Variants in NRXN3 observed in about 807,000 individuals in gnomAD.
The protein encoded by NRXN3 is neurexin 3.
Under a neutral mutation model 137.6 loss-of-function variants are expected in NRXN3, and 32 were observed. The ratio of observed to expected loss-of-function variants is 0.23; its 90% CI spans 0.18 to 0.31. The LOEUF (loss-of-function observed/expected upper bound fraction) is 0.31, where lower values mean the gene tolerates loss of function less well. Ranked by LOEUF, NRXN3 falls within the 10% of genes least tolerant of loss-of-function variation. NRXN3 has a pLI of 1.00. For synonymous variants in NRXN3, 798 were observed against 784.5 expected (o/e 1.02, Z -0.29); for missense variants, 1,574 against 2,062.5 (o/e 0.76, Z 4.59).
chr14:79,358,787 T>A lies in NRXN3; in HGVS notation c.3263-108434T>A, dbSNP rs151188583. Among the ~76,000 whole-genome samples the A allele has an allele frequency of 6.6e-5, 10 of 152,214 alleles. No individual in the cohort carries two copies. In the East Asian group the frequency reaches 1.5e-3, roughly 24 times the overall value. The stretch of plus-strand genomic sequence containing the variant: ...CCCCCTATTCTCCTTGAGGAACTGT[T>A]TGACCGTCACATCCTTAGAAAGGCC... On this transcript the variant is annotated intron_variant, in intron 15 of 20. Coordinates refer to ENST00000335750, the MANE Select transcript of NRXN3 (RefSeq NM_001330195.2).
At chr14:79,261,308 G>A (rs1229734404) in intron 15 of NRXN3, among the ~76,000 whole-genome samples, 2 of 152,164 alleles carry the variant, frequency 1.3e-5, no homozygotes, top group East Asian at 3.9e-4. Context: ...AGTGAGCAAA[G>A]TTGAATGAGA....
At chr14:78,603,593 C>T (rs1011824917) in intron 4 of NRXN3, among the ~76,000 whole-genome samples, 3 of 152,152 alleles carry the variant, frequency 2.0e-5, no homozygotes, top group Non-Finnish European at 4.4e-5. Context: ...CTTGAAAGAC[C>T]TCTAAACAGT....
At chr14:78,756,592 T>G (rs1395919904) in intron 8 of NRXN3, among the ~76,000 whole-genome samples, 2 of 151,892 alleles carry the variant, frequency 1.3e-5, no homozygotes, top group East Asian at 3.9e-4. Context: ...AAAGTTTTGT[T>G]GTACTTGCTT....
chr14:79,494,057 G>A (rs1156939159), intron 16 of NRXN3, among the ~76,000 whole-genome samples: 1 of 152,146 alleles, frequency 6.6e-6, no homozygotes, highest in Admixed American at 6.6e-5. Flanking sequence ...TATAAAAAGT[G>A]TATTTTAATT....
intron 20 of NRXN3, among the ~76,000 whole-genome samples, chr14:79,817,920 C>T (rs1230865074): frequency 1.3e-5 from 2 of 151,950 alleles, no homozygotes; most frequent in Admixed American, 1.3e-4. Flanking sequence ...TTCAAATAAC[C>T]GTGGTTAAAA....
chr14:78,651,181 A>G lies in NRXN3; in HGVS notation c.1076A>G (p.Asp359Gly). The change falls in exon 6 of 21, where the codon GAT (aspartate) becomes GGT (glycine). Residue 359 changes from aspartate to glycine, a missense_variant. Around this residue, in one of 5 missense-constraint regions of NRXN3, gnomAD observed 400 missense variants for 527.3 expected, o/e 0.76. Coordinates refer to ENST00000335750, the MANE Select transcript of NRXN3 (RefSeq NM_001330195.2). ...CTCCACCAGGTGACAATCTCTGTGG[A>G]TGGCATTCTTACCACGACGGGCTAC... ...RNLRQVTISVDGILTTTGYTQ... is the reference protein window; with the variant it reads ...RNLRQVTISVGGILTTTGYTQ... 6.2e-7 allele frequency: 1 copy of G among 1,613,562 alleles called. No individual in the cohort carries two copies. Among genetic ancestry groups the G allele is most frequent in the Non-Finnish European group, 8.5e-7 (1 of 1,179,702 alleles).
intron 15 of NRXN3, among the ~76,000 whole-genome samples, chr14:79,177,871 G>A (rs1209868826): frequency 6.6e-6 from 1 of 152,214 alleles, no homozygotes; most frequent in Non-Finnish European, 1.5e-5. Context: ...AGATTAAAAT[G>A]AGTGTGAATA....
At chr14:78,555,536 T>G (rs898451647) in intron 4 of NRXN3, among the ~76,000 whole-genome samples, 7 of 152,246 alleles carry the variant, frequency 4.6e-5, no homozygotes, top group African/African-American at 1.7e-4. Context: ...GCCACAAAAC[T>G]GCATACACCA....
chr14:79,164,772 T>A (rs2153075678), intron 15 of NRXN3, among the ~76,000 whole-genome samples: 1 of 152,098 alleles, frequency 6.6e-6, no homozygotes, highest in Non-Finnish European at 1.5e-5. Context: ...GCATAGTAAT[T>A]GTGAGTTTTC....
At chr14:78,385,328 C>G in intron 4 of NRXN3, among the ~76,000 whole-genome samples, 1 of 119,392 alleles carries the variant, frequency 8.4e-6, no homozygotes, top group South Asian at 2.8e-4. Context: ...CACACACACA[C>G]ACACACGCAT....
chr14:78,604,731 G>A (rs2097233217), intron 4 of NRXN3, among the ~76,000 whole-genome samples: 1 of 152,156 alleles, frequency 6.6e-6, no homozygotes. Context: ...CTCATGTTCA[G>A]ACCTCCCTGT....
At chr14:79,719,368 A>ATGTGTATATATATGTG (rs1032789878) in intron 19 of NRXN3, among the ~76,000 whole-genome samples, 1 of 74,892 alleles carries the variant, frequency 1.3e-5, no homozygotes, top group Non-Finnish European at 2.9e-5. Flanking sequence ...TATTGTGTGT[A>ATGTGTATATATATGTG]TGTGTATATA....
At chr14:79,381,199 C>T (rs895972940) in intron 15 of NRXN3, among the ~76,000 whole-genome samples, 11 of 142,340 alleles carry the variant, frequency 7.7e-5, no homozygotes, top group South Asian at 2.4e-4. Context: ...TCTTTTAATG[C>T]GTTGAATGTT....
At chr14:79,544,945 C>G (rs1601893304) in intron 16 of NRXN3, among the ~76,000 whole-genome samples, 1 of 152,100 alleles carries the variant, frequency 6.6e-6, no homozygotes, top group Non-Finnish European at 1.5e-5. Flanking sequence ...GCTCAGATAA[C>G]CCACAATTGA....
At chr14:78,279,818 T>C (rs2074146059) in intron 3 of NRXN3, 1 of 152,238 alleles carries the variant, frequency 6.6e-6, no homozygotes, top group Admixed American at 6.5e-5. Flanking sequence ...ATTAGCAGCC[T>C]TCTTTCCAAA....
intron 10 of NRXN3, among the ~76,000 whole-genome samples, chr14:78,811,253 A>G (rs1425850905): frequency 6.6e-6 from 1 of 152,180 alleles, no homozygotes; most frequent in Non-Finnish European, 1.5e-5. Context: ...GTCCAATGCT[A>G]ATTGGTCAGT....
chr14:79,281,418 G>A (rs946030786), intron 15 of NRXN3, among the ~76,000 whole-genome samples: 3 of 152,140 alleles, frequency 2.0e-5, no homozygotes, highest in Non-Finnish European at 4.4e-5. Context: ...TTAGCCGGCT[G>A]CCTCTAAAAG....
chr14:79,807,189 G>A (rs1177274216), intron 20 of NRXN3, among the ~76,000 whole-genome samples: 1 of 151,324 alleles, frequency 6.6e-6, no homozygotes, highest in Non-Finnish European at 1.5e-5. Context: ...TGCTCAGGCT[G>A]GTCTCGAGTT....
intron 10 of NRXN3, among the ~76,000 whole-genome samples, chr14:78,829,753 G>C (rs2098976662): frequency 6.6e-6 from 1 of 152,068 alleles, no homozygotes; most frequent in African/African-American, 2.4e-5. Context: ...AATCCAAAGA[G>C]AATTGCCAGT....
Sources: allele counts gnomAD v4.1 joint callset (sites outside exome capture counted in the v4.1 genomes callset), GRCh38; gene constraint gnomAD v4.1.1; regional missense constraint gnomAD v4.1.1; transcripts MANE v1.5; gene names NCBI Gene and HGNC (gene_info 2026-07-23, HGNC 2026-07-21).